The following RUBCN variants were observed in gnomAD, a reference collection of about 807,000 sequenced individuals.
The protein encoded by RUBCN is run domain Beclin-1-interacting and cysteine-rich domain-containing protein.
Under a neutral mutation model 113.2 loss-of-function variants are expected in RUBCN, and 74 were observed. The observed-to-expected ratio is 0.65, with a 90% CI of 0.54 to 0.79. The LOEUF (loss-of-function observed/expected upper bound fraction) is 0.79. Among genes scored for constraint, RUBCN ranks in the 30% least tolerant of loss-of-function variants. The probability of loss-of-function intolerance (pLI) is 0.00; values close to 1 mark genes in which losing one functional copy is unlikely to be tolerated. For synonymous variants in RUBCN, 480 were observed against 490.0 expected, an observed-to-expected ratio of 0.98 and a Z score of 0.27; for missense variants, 1,109 against 1,251.7, an observed-to-expected ratio of 0.89 and a Z score of 1.72.
In RUBCN at chr3:197,676,912, T is replaced by C. The variant is rs1444408942; in HGVS notation, c.2619A>G (p.Ala873=). 8 of 1,614,094 alleles carry C rather than the reference T, an allele frequency of 5.0e-6. No homozygotes were observed. The highest frequency in any genetic ancestry group is 6.8e-6 in the Non-Finnish European group (8 of 1,180,042). ...TGCATCTCTCCACATGGGTAGCCCC[T>C]GCCCTGGTGAGCTCAGCAAGCCGGG... ...LGPRLAELTR[A]GATHVERCML... Residue 873 remains alanine (A), a synonymous_variant, in exon 18 of 20, where the codon GCA becomes GCG. Coordinates refer to ENST00000296343, the MANE Select transcript of RUBCN (RefSeq NM_014687.4).
chr3:197,675,551 C>T lies in RUBCN; in HGVS notation c.2647-36G>A, dbSNP rs371400524. The T allele has an allele frequency of 7.6e-5, 115 of 1,520,986 alleles. No homozygotes were observed. In the African/African-American group the frequency reaches 7.9e-4, roughly 10 times the overall value. The allele number at this position is 1,520,986 out of a possible 1,614,324, so 94.2% of individuals were successfully genotyped here. On this transcript the variant is annotated intron_variant, in intron 18 of 19. Transcript: ENST00000296343. This position sits in a 1 kb window ranked among gnomAD's most constrained non-coding sequence, Gnocchi z 4.4. ...AAAACACAGATGGCAAAATGAGGAG[C>T]GGCACATCAGGAACTGGCACGGGAG...
At chr3:197,688,561 AT>A in intron 11 of RUBCN, among the ~76,000 whole-genome samples, 1 of 152,252 alleles carries the variant, frequency 6.6e-6, no homozygotes, top group Non-Finnish European at 1.5e-5. Flanking sequence ...GACTAGATAC[AT>A]CTATGCACAA....
In RUBCN at chr3:197,700,831, C is replaced by T. The variant is rs780327823; in HGVS notation, c.1043G>A (p.Ser348Asn). The part of the protein sequence containing the change: ...SCQSHSSNAE[S>N]SSSNLFSSSS... The stretch of plus-strand genomic sequence containing the variant: ...GGAGGAGAACAAATTGGAACTGCTG[C>T]TCTCGGCATTGCTGCTGTGACTCTG... The change falls in exon 7 of 20, where the codon AGC becomes AAC. Residue 348 changes from serine to asparagine, a missense_variant. Physicochemically the swap from Ser to Asn is conservative, Grantham distance 46 (BLOSUM62 1). Around this residue, in one of 3 missense-constraint regions of RUBCN, gnomAD observed 736 missense variants for 779.6 expected, o/e 0.94. Transcript: ENST00000296343. 2.5e-6 allele frequency: 4 copies of T among 1,614,032 alleles called. No homozygotes were observed. Among genetic ancestry groups the T allele is most frequent in the South Asian group, 1.1e-5 (1 of 91,082 alleles).
intron 3 of RUBCN, 73 bp downstream of exon 3, chr3:197,705,019 A>C: frequency 2.5e-6 from 3 of 1,190,008 alleles, no homozygotes; most frequent in Non-Finnish European, 2.5e-6. Context: ...AGCCTAGAAG[A>C]TTCTTCTGAC....
At chr3:197,745,284 C>CAA (rs35402850) in intron 1 of RUBCN, among the ~76,000 whole-genome samples, 10,978 of 137,492 alleles carry the variant, frequency 0.08, 637 homozygotes, top group East Asian at 0.099. Flanking sequence ...GATGCTGTCT[C>CAA]AAAAAAAAAA....
intron 11 of RUBCN, among the ~76,000 whole-genome samples, chr3:197,685,919 T>C (rs80035692): frequency 0.051 from 7,777 of 152,340 alleles, 300 homozygotes; most frequent in Non-Finnish European, 0.076. Context: ...TGCCTTGGGC[T>C]GTACCTAAGT....
intron 1 of RUBCN, among the ~76,000 whole-genome samples, chr3:197,728,796 A>C (rs1727051832): frequency 6.6e-6 from 1 of 152,220 alleles, no homozygotes; most frequent in Admixed American, 6.5e-5. Flanking sequence ...ATGTGCTCTA[A>C]CAGAGAGGGG....
At chr3:197,717,067 G>C (rs1725594779) in intron 2 of RUBCN, among the ~76,000 whole-genome samples, 1 of 152,248 alleles carries the variant, frequency 6.6e-6, no homozygotes, top group South Asian at 2.1e-4. Context: ...GCTGCAGCGA[G>C]CCATGATTTT....
chr3:197,710,553 T>C (rs968972169), intron 2 of RUBCN, among the ~76,000 whole-genome samples: 12 of 151,582 alleles, frequency 7.9e-5, no homozygotes, highest in East Asian at 1.9e-4. Context: ...TGAGCTGGGA[T>C]TGTGCCATTG....
In RUBCN at chr3:197,677,503, G is replaced by A; in HGVS notation, c.2469C>T (p.Phe823=). The part of the protein sequence containing the change: ...RVQLCHMKNM[F]KTCRLAKELL... ...ACTCCTTGGCCAGTCGGCAAGTCTT[G>A]AACATGTTCTTCATGTGACACAGCT... The change falls in exon 17 of 20, where the codon TTC becomes TTT. Residue 823 remains phenylalanine (F), a synonymous_variant. Transcript: ENST00000296343. The A allele has an allele frequency of 6.2e-7, 1 of 1,614,146 alleles. No homozygotes were observed. Among genetic ancestry groups the A allele is most frequent in the Non-Finnish European group, 8.5e-7 (1 of 1,180,002 alleles).
Position 197,669,436 on chromosome 3 carries a change from G to T in RUBCN, c.*5582C>A, listed in dbSNP as rs900961595. On this transcript the variant is annotated 3_prime_UTR_variant, in exon 20 of 20. Transcript: ENST00000296343. ...TCAAGTGTTTTGTAGAAAGTTCCTC[G>T]AATTTTGCTCCTGTGTTTATGTTGT... Among the ~76,000 whole-genome samples, 1 of 152,114 alleles carries T rather than the reference G, an allele frequency of 6.6e-6. No individual in the cohort carries two copies. The highest frequency in any genetic ancestry group is 2.1e-4 in the South Asian group (1 of 4,814).
chr3:197,743,602 G>A (rs924873111), intron 1 of RUBCN, among the ~76,000 whole-genome samples: 9 of 152,206 alleles, frequency 5.9e-5, no homozygotes, highest in Admixed American at 2.0e-4. Context: ...CAGACAGGTA[G>A]AATGGAAAAA....
In RUBCN at chr3:197,746,836, C is replaced by A. The variant is rs529864394; in HGVS notation, c.-116+2433G>T. ...TACACCAACAAAGGCTGAATGCCCA[C>A]GTCCAGTCCAGGGCCTTGTTCACAG... On this transcript the variant is annotated intron_variant, in intron 1 of 20. Transcript: ENST00000273582. Among the ~76,000 whole-genome samples the A allele has an allele frequency of 4.3e-4, 66 of 152,248 alleles. 1 individual carries two copies. Among genetic ancestry groups the A allele is most frequent in the South Asian group, 1.7e-3 (8 of 4,818 alleles).
At chr3:197,703,483 A>G (rs1415754377) in intron 5 of RUBCN, 65 bp downstream of exon 5, 1 of 865,688 alleles carries the variant, frequency 1.2e-6, no homozygotes, top group Non-Finnish European at 1.8e-6. Context: ...TTTGCTGTAG[A>G]GGGCTACATC....
Position 197,677,048 on chromosome 3 carries a change from G to A in RUBCN, c.2493-10C>T. 1.2e-6 allele frequency: 2 copies of A among 1,612,716 alleles called. No individual in the cohort carries two copies. Among genetic ancestry groups the A allele is most frequent in the East Asian group, 2.2e-5 (1 of 44,890 alleles). ...AAAGGAATCCAGAAGCCTACAGGGAGTGACAGGAGGCAGGTGAGGGAATGA... is the reference window on the plus strand; with the variant it reads ...AAAGGAATCCAGAAGCCTACAGGGAATGACAGGAGGCAGGTGAGGGAATGA... On this transcript the variant is annotated splice_polypyrimidine_tract_variant and intron_variant, in intron 17 of 19. Coordinates refer to ENST00000296343, the MANE Select transcript of RUBCN (RefSeq NM_014687.4).
chr3:197,715,290 G>GAAAAAA (rs35511002), intron 2 of RUBCN, among the ~76,000 whole-genome samples: 18 of 102,666 alleles, frequency 1.8e-4, no homozygotes, highest in Non-Finnish European at 2.8e-4. Flanking sequence ...ACTCTATCTT[G>GAAAAAA]AAAAAAAAAA....
intron 7 of RUBCN, among the ~76,000 whole-genome samples, chr3:197,698,591 C>CA (rs1047067599): frequency 9.9e-5 from 15 of 151,428 alleles, no homozygotes; most frequent in African/African-American, 1.7e-4. Context: ...AAACAAAAAA[C>CA]AAAAAAACCA....
chr3:197,696,968 A>G lies in RUBCN; in HGVS notation c.1343T>C (p.Leu448Pro), dbSNP rs1723080802. ...CTAGTACTCACCATATTCCATGTAC[A>G]GAGAGCTGGGTGTGCTGACTTCACT... ...QSSEVSTPSSLYMEYEGGRYL... is the reference protein window; with the variant it reads ...QSSEVSTPSSPYMEYEGGRYL... Residue 448 changes from leucine (L) to proline (P), a missense_variant, in exon 8 of 20, where the codon CTG becomes CCG. Around this residue, in one of 3 missense-constraint regions of RUBCN, gnomAD observed 736 missense variants for 779.6 expected, o/e 0.94. Coordinates refer to ENST00000296343, the MANE Select transcript of RUBCN (RefSeq NM_014687.4). The G allele has an allele frequency of 1.3e-6, 2 of 1,594,782 alleles. No homozygotes were observed. Among genetic ancestry groups the G allele is most frequent in the East Asian group, 2.2e-5 (1 of 44,806 alleles).
Position 197,747,929 on chromosome 3 carries a change from G to GTT in RUBCN, c.-116+1338_-116+1339dup, listed in dbSNP as rs1169134636. ...CTGGGCCCACAACCCAGTTTCTGTA[G>GTT]TTTTTTTTTTTTTTTTATTTGAGAT... On this transcript the variant is annotated intron_variant, in intron 1 of 20. Coordinates refer to the RUBCN transcript ENST00000273582. Among the ~76,000 whole-genome samples the GTT allele has an allele frequency of 2.4e-3, 336 of 140,276 alleles. 1 individual carries two copies. Among genetic ancestry groups the GTT allele is most frequent in the African/African-American group, 7.4e-3 (285 of 38,524 alleles). 92.0% of individuals were successfully genotyped at this position (140,276 alleles called of 152,430 possible). A position where few individuals can be genotyped will look rare whatever the true frequency, so the allele number is the denominator to read the frequency against.
Sources: allele counts gnomAD v4.1 joint callset (sites outside exome capture counted in the v4.1 genomes callset), GRCh38; gene constraint gnomAD v4.1.1; regional missense constraint gnomAD v4.1.1; non-coding constraint Gnocchi (gnomAD v3.1); transcripts MANE v1.5; gene names NCBI Gene and HGNC (gene_info 2026-07-23, HGNC 2026-07-21).